The following LOXL1 variants were observed in gnomAD, a reference collection of about 807,000 sequenced individuals.
LOXL1 encodes the protein lysyl oxidase like 1, also known as lysyl oxidase homolog 1.
A neutral mutation model predicts 62.2 loss-of-function variants in LOXL1; 31 were observed. The ratio of observed to expected loss-of-function variants is 0.50; its 90% CI spans 0.37 to 0.67. The LOEUF (loss-of-function observed/expected upper bound fraction) is 0.67. LOXL1 is among the 30% of genes least tolerant of loss of function. The probability of loss-of-function intolerance (pLI) is 0.00; values close to 1 mark genes in which losing one functional copy is unlikely to be tolerated. For missense variants in LOXL1, 775 were observed against 843.4 expected, an observed-to-expected ratio of 0.92 and a Z score of 1.00; for synonymous variants, 403 against 384.4, an observed-to-expected ratio of 1.05 and a Z score of -0.56.
rs1046686358 is a variant in LOXL1 at position 73,926,690 on chromosome 15, C to T, written c.-94C>T. On this transcript the variant is annotated 5_prime_UTR_variant, in exon 1 of 7. Transcript: ENST00000261921. ...AGCTAGAGCTGGGGCAAGCAAGGAGCCTTCCTGTCCTCGAGGCCGTGGGAA... is the reference window on the plus strand; with the variant it reads ...AGCTAGAGCTGGGGCAAGCAAGGAGTCTTCCTGTCCTCGAGGCCGTGGGAA... 3 of 1,305,900 alleles carry T rather than the reference C, an allele frequency of 2.3e-6. No homozygotes were observed. Among genetic ancestry groups the T allele is most frequent in the African/African-American group, 3.1e-5 (2 of 64,292 alleles). 80.9% of individuals were successfully genotyped at this position (1,305,900 alleles called of 1,614,324 possible). A position where few individuals can be genotyped will look rare whatever the true frequency, so the allele number is the denominator to read the frequency against.
chr15:73,935,476 AG>A, intron 1 of LOXL1, among the ~76,000 whole-genome samples: 1 of 152,198 alleles, frequency 6.6e-6, no homozygotes, highest in South Asian at 2.1e-4. Flanking sequence ...TGAAAATTTC[AG>A]GTCACTGTGC....
In LOXL1 at chr15:73,927,744, T is replaced by G. The variant is rs974415887; in HGVS notation, c.961T>G (p.Tyr321Asp). Residue 321 changes from tyrosine to aspartate, a missense_variant, in exon 1 of 7, where the codon TAC (tyrosine) becomes GAC (aspartate). Physicochemically the swap from Tyr to Asp is radical, Grantham distance 160. Coordinates refer to ENST00000261921, the MANE Select transcript of LOXL1 (RefSeq NM_005576.4). ...CTACGCCAACCCGCCGCCCGAGGCGTACGGGCCGCCGCGCGCGCTGGAGCC... is the reference window on the plus strand; with the variant it reads ...CTACGCCAACCCGCCGCCCGAGGCGGACGGGCCGCCGCGCGCGCTGGAGCC... Reference protein sequence around the residue: ...PPYANPPPEAYGPPRALEPPY... With the variant: ...PPYANPPPEADGPPRALEPPY... 6.9e-7 allele frequency: 1 copy of G among 1,455,468 alleles called. No individual in the cohort carries two copies. 90.2% of individuals were successfully genotyped at this position (1,455,468 alleles called of 1,614,324 possible). A position where few individuals can be genotyped will look rare whatever the true frequency, so the allele number is the denominator to read the frequency against.
chr15:73,937,711 C>T (rs1047481216), intron 1 of LOXL1, among the ~76,000 whole-genome samples: 3 of 152,252 alleles, frequency 2.0e-5, no homozygotes, highest in African/African-American at 7.2e-5. Flanking sequence ...CACAGTAGGG[C>T]AAGACCCCAG....
intron 1 of LOXL1, among the ~76,000 whole-genome samples, chr15:73,929,159 C>T (rs1279772008): frequency 6.6e-6 from 1 of 152,242 alleles, no homozygotes; most frequent in Non-Finnish European, 1.5e-5. Flanking sequence ...TCCCTGCTAC[C>T]CTCTCCATAC....
rs2068592024 is a variant in LOXL1, at chr15:73,927,408, G to GGCGGCGGCGTGGGC, written c.630_643dup (p.Gly215AlafsTer217). ...GGGTTTCGTGTACTACCGGCCCGCG[G>GGCGGCGGCGTGGGC]GCGGCGGCGTGGGCGCGGGGGCGGC... On this transcript the variant is annotated frameshift_variant, in exon 1 of 7. Coordinates refer to ENST00000261921, the MANE Select transcript of LOXL1 (RefSeq NM_005576.4). LOFTEE classifies it high-confidence loss of function. The GGCGGCGGCGTGGGC allele has an allele frequency of 6.5e-7, 1 of 1,542,046 alleles. No homozygotes were observed. Among genetic ancestry groups the GGCGGCGGCGTGGGC allele is most frequent in the Non-Finnish European group, 8.7e-7 (1 of 1,146,446 alleles).
intron 6 of LOXL1, among the ~76,000 whole-genome samples, chr15:73,950,670 GGGCTC>G (rs1379581853): frequency 1.3e-5 from 2 of 149,734 alleles, no homozygotes; most frequent in African/African-American, 2.4e-5. Context: ...GCCAGGCTCA[GGGCTC>G]AGTGTGTGAC....
chr15:73,940,769 T>C (rs1888237255), intron 1 of LOXL1, among the ~76,000 whole-genome samples: 1 of 152,172 alleles, frequency 6.6e-6, no homozygotes, highest in Non-Finnish European at 1.5e-5. Flanking sequence ...CAGGGCTCAG[T>C]GTGTGTACAT....
At chr15:73,934,103 C>T (rs2068653938) in intron 1 of LOXL1, among the ~76,000 whole-genome samples, 2 of 152,226 alleles carry the variant, frequency 1.3e-5, no homozygotes, top group Admixed American at 1.3e-4. Flanking sequence ...CTTTGCCATC[C>T]AAACCTCAAG....
chr15:73,944,733 T>G (rs1215944005), intron 2 of LOXL1, among the ~76,000 whole-genome samples: 1 of 152,222 alleles, frequency 6.6e-6, no homozygotes, highest in South Asian at 2.1e-4. Context: ...TAGACCCTTA[T>G]GGTTTCCCAC....
intron 1 of LOXL1, 27 bp downstream of exon 1, chr15:73,927,912 G>T (rs1247358589): frequency 6.9e-6 from 9 of 1,297,702 alleles, no homozygotes; most frequent in Non-Finnish European, 8.8e-6. Context: ...CGCCCCTCCG[G>T]CCGCGCGTAC....
In LOXL1 at chr15:73,927,005, G is replaced by T; in HGVS notation, c.222G>T (p.Arg74=). The T allele has an allele frequency of 6.9e-7, 1 of 1,459,026 alleles. No individual in the cohort carries two copies. Among genetic ancestry groups the T allele is most frequent in the Non-Finnish European group, 9.1e-7 (1 of 1,096,038 alleles). 90.4% of individuals were successfully genotyped at this position (1,459,026 alleles called of 1,614,324 possible). Residue 74 remains arginine, a synonymous_variant, in exon 1 of 7, where the codon CGG becomes CGT. Coordinates refer to ENST00000261921, the MANE Select transcript of LOXL1 (RefSeq NM_005576.4). Reference sequence around the variant, plus strand: ...CTCAGCGCTCCGAGAGTAGCTCCCGGGTGCTGCTGGCCGGCGCGCCCCAGG... The same window carrying T: ...CTCAGCGCTCCGAGAGTAGCTCCCGTGTGCTGCTGGCCGGCGCGCCCCAGG... ...AGPQRSESSS[R]VLLAGAPQAQ...
At position 73,948,608 on chromosome 15, in the gene LOXL1, G is replaced by A. The variant is rs145712251; in HGVS notation, c.1602+706G>A. ...GAGCAGTGAAGCCAGGTTTGCAGGC[G>A]GAGGCCTTCCCTGCAGAAAGTCAGC... is the stretch of plus-strand genomic sequence containing the variant. On this transcript the variant is annotated intron_variant, in intron 5 of 6. Coordinates refer to ENST00000261921, the MANE Select transcript of LOXL1 (RefSeq NM_005576.4). Among the ~76,000 whole-genome samples the A allele has an allele frequency of 2.7e-3, 416 of 152,306 alleles. 1 individual carries two copies. The highest frequency in any genetic ancestry group is 9.4e-3 in the African/African-American group (392 of 41,558).
chr15:73,944,990 C>T (rs1434074296), intron 2 of LOXL1, among the ~76,000 whole-genome samples: 1 of 152,136 alleles, frequency 6.6e-6, no homozygotes, highest in African/African-American at 2.4e-5. Context: ...GGGAAGAGCC[C>T]CTGAGGCCAA....
chr15:73,946,716 T>C (rs763018489), intron 3 of LOXL1, among the ~76,000 whole-genome samples, 162 bp downstream of exon 3: 2 of 152,196 alleles, frequency 1.3e-5, no homozygotes, highest in Non-Finnish European at 2.9e-5. Flanking sequence ...CTGGGGCAAG[T>C]GTTTCTCAGA....
Position 73,942,911 on chromosome 15 carries a change from G to C in LOXL1, c.1160G>C (p.Arg387Thr). Residue 387 changes from arginine to threonine, a missense_variant, in exon 2 of 7, where the codon AGA (arginine) becomes ACA (threonine). By Grantham distance (71) the Arg-to-Thr change is moderately conservative. Coordinates refer to ENST00000261921, the MANE Select transcript of LOXL1 (RefSeq NM_005576.4). ...GTGCAAGCATCCACTTATGTGCAGAGAGCCCACCTGTACTCCCTGCGCTGT... is the reference window on the plus strand; with the variant it reads ...GTGCAAGCATCCACTTATGTGCAGACAGCCCACCTGTACTCCCTGCGCTGT... Reference protein sequence around the residue: ...NYVQASTYVQRAHLYSLRCAA... With the variant: ...NYVQASTYVQTAHLYSLRCAA... 3 of 1,614,100 alleles carry C rather than the reference G, an allele frequency of 1.9e-6. No individual in the cohort carries two copies. Among genetic ancestry groups the C allele is most frequent in the Non-Finnish European group, 2.5e-6 (3 of 1,179,960 alleles).
chr15:73,946,958 G>T, intron 3 of LOXL1, 109 bp from the exon 4 acceptor site: 1 of 1,209,952 alleles, frequency 8.3e-7, no homozygotes. Flanking sequence ...GACCAGCCAG[G>T]AGGCTGTGCC....
At chr15:73,938,274 C>T (rs796129188) in intron 1 of LOXL1, among the ~76,000 whole-genome samples, 20 of 35,884 alleles carry the variant, frequency 5.6e-4, no homozygotes, top group Admixed American at 4.3e-3. Context: ...AGCTAGACTC[C>T]GTATCTATCT....
intron 1 of LOXL1, among the ~76,000 whole-genome samples, chr15:73,936,749 G>A (rs930762097): frequency 1.3e-5 from 2 of 152,228 alleles, no homozygotes; most frequent in Non-Finnish European, 2.9e-5. Context: ...CTCAGCGCCA[G>A]GCAGCCTCCC....
At chr15:73,950,363 G>A (rs1473507339) in intron 6 of LOXL1, among the ~76,000 whole-genome samples, 1 of 151,968 alleles carries the variant, frequency 6.6e-6, no homozygotes, top group Non-Finnish European at 1.5e-5. Flanking sequence ...AGGTGGTAGA[G>A]ATCTTAAGGC....
Sources: allele counts gnomAD v4.1 joint callset (sites outside exome capture counted in the v4.1 genomes callset), GRCh38; gene constraint gnomAD v4.1.1; transcripts MANE v1.5; gene names NCBI Gene and HGNC (gene_info 2026-07-23, HGNC 2026-07-21).